Variants in ZNF85 observed in about 807,000 individuals in gnomAD.
ZNF85 encodes zinc finger protein 85 (HPF4, HTF1).
A neutral mutation model predicts 53.9 loss-of-function variants in ZNF85; 50 were observed. That is an observed-to-expected ratio of 0.93 (90% confidence interval 0.74 to 1.17). The LOEUF is 1.17. Ranked by LOEUF, ZNF85 falls within the 50% of genes most tolerant of loss-of-function variation. ZNF85 has a pLI of 0.00. For synonymous variants in ZNF85, 225 were observed against 226.1 expected (o/e 1.00, Z 0.04); for missense variants, 747 against 688.5 (o/e 1.08, Z -0.95).
At chr19:20,941,814 T>C (rs1973302869) in intron 3 of ZNF85, among the ~76,000 whole-genome samples, 1 of 88 alleles carries the variant, frequency 0.011, no homozygotes, top group African/African-American at 0.031. Flanking sequence ...GCAGTTAAAT[T>C]TTACTGTCTT....
chr19:20,929,630 C>T (rs1962685617), intron 1 of ZNF85, among the ~76,000 whole-genome samples: 1 of 152,150 alleles, frequency 6.6e-6, no homozygotes, highest in South Asian at 2.1e-4. Flanking sequence ...ATTAAGATTA[C>T]ACAAACTCTG....
chr19:20,947,949 A>G (rs1041979404), intron 3 of ZNF85, among the ~76,000 whole-genome samples: 1 of 151,934 alleles, frequency 6.6e-6, no homozygotes, highest in African/African-American at 2.4e-5. Flanking sequence ...TGAAATTTTT[A>G]TGTTTCTGAT....
intron 1 of ZNF85, among the ~76,000 whole-genome samples, chr19:20,932,148 A>T (rs1372562967): frequency 6.6e-6 from 1 of 152,174 alleles, no homozygotes; most frequent in Non-Finnish European, 1.5e-5. Flanking sequence ...ACATATTCTC[A>T]ACATGCAGCT....
At position 20,925,284 on chromosome 19, in the gene ZNF85, C is replaced by G. The variant is rs1156271785; in HGVS notation, c.3+1881C>G. 3.3e-5 allele frequency among the ~76,000 whole-genome samples: 5 copies of G among 151,964 alleles called. 1 individual carries two copies. The East Asian group carries it at 9.7e-4, about 30-fold the overall frequency. On this transcript the variant is annotated intron_variant, in intron 1 of 3. Coordinates refer to ENST00000328178, the MANE Select transcript of ZNF85 (RefSeq NM_003429.5). ...CCAGCATGGCCAATATGGTGAAACC[C>G]CATCTCTACTAAAAATACAAAAATT...
chr19:20,935,383 C>A (rs1250126761), intron 3 of ZNF85, among the ~76,000 whole-genome samples: 3 of 151,988 alleles, frequency 2.0e-5, no homozygotes, highest in Non-Finnish European at 2.9e-5. Flanking sequence ...TTGAAAAAGT[C>A]TATGTTAAGC....
chr19:20,923,404 G>A lies in ZNF85; in HGVS notation c.3+1G>A. The A allele has an allele frequency of 1.2e-6, 2 of 1,614,144 alleles. No individual in the cohort carries two copies. Among genetic ancestry groups the A allele is most frequent in the Non-Finnish European group, 1.7e-6 (2 of 1,180,000 alleles). On this transcript the variant is annotated splice_donor_variant, in intron 1 of 3. Coordinates refer to ENST00000328178, the MANE Select transcript of ZNF85 (RefSeq NM_003429.5). LOFTEE classifies it high-confidence loss of function. ...GGGACCCCCTGGAAGCCTAGAAATG[G>A]TGAGAGTGCCAGGTCCGCCATCCCG...
chr19:20,940,567 T>TTC (rs1973272480), intron 3 of ZNF85, among the ~76,000 whole-genome samples: 2 of 152,058 alleles, frequency 1.3e-5, no homozygotes, highest in Non-Finnish European at 2.9e-5. Context: ...ATTTCAGGAA[T>TTC]GTTAAGTATA....
intron 3 of ZNF85, among the ~76,000 whole-genome samples, chr19:20,938,292 A>G (rs1347526055): frequency 2.0e-5 from 3 of 152,094 alleles, no homozygotes; most frequent in Non-Finnish European, 4.4e-5. Flanking sequence ...CTGATCTTGA[A>G]CTTCTGACGT....
intron 1 of ZNF85, 40 bp downstream of exon 1, chr19:20,923,443 T>C: frequency 6.2e-7 from 1 of 1,613,332 alleles, no homozygotes; most frequent in Non-Finnish European, 8.5e-7. Flanking sequence ...GGGAAAGGGG[T>C]TGGTTGAAAC....
chr19:20,946,269 T>C, intron 3 of ZNF85: 2 of 383,772 alleles, frequency 5.2e-6, no homozygotes, highest in Non-Finnish European at 1.0e-5. Flanking sequence ...TTCTAAAAAA[T>C]TTGTTAAGAC....
chr19:20,940,979 C>T (rs1485883134), intron 3 of ZNF85, among the ~76,000 whole-genome samples: 1 of 151,954 alleles, frequency 6.6e-6, no homozygotes, highest in African/African-American at 2.4e-5. Context: ...AATATGTCTC[C>T]CAGGTTCTGT....
intron 2 of ZNF85, among the ~76,000 whole-genome samples, chr19:20,934,694 A>G (rs1488025200): frequency 6.6e-6 from 1 of 150,946 alleles, no homozygotes; most frequent in Non-Finnish European, 1.5e-5. Context: ...GGAGAATGGC[A>G]TGAACTCAGG....
Position 20,949,840 on chromosome 19 carries a change from T to C in ZNF85, c.1326T>C (p.Thr442=), listed in dbSNP as rs571270235. The change falls in exon 4 of 4, where the codon ACT becomes ACC. Residue 442 remains threonine (T), a synonymous_variant. Transcript: ENST00000328178. The stretch of plus-strand genomic sequence containing the variant: ...CTTTTAACCAATCCTCAAAACTTAC[T>C]GAACATAAGAAAATTCATACTGGAG... ...EKAFNQSSKL[T]EHKKIHTGEK... 3.7e-6 allele frequency: 6 copies of C among 1,611,976 alleles called. No individual in the cohort carries two copies. The East Asian group carries it at 1.1e-4, about 30-fold the overall frequency.
chr19:20,928,649 C>T (rs1166151653), intron 1 of ZNF85: 3 of 152,278 alleles, frequency 2.0e-5, no homozygotes, highest in Non-Finnish European at 2.9e-5. Flanking sequence ...GCCAAAATCC[C>T]ACAAGAGTGT....
At chr19:20,947,828 A>T (rs1973459879) in intron 3 of ZNF85, among the ~76,000 whole-genome samples, 1 of 151,510 alleles carries the variant, frequency 6.6e-6, no homozygotes, top group Non-Finnish European at 1.5e-5. Flanking sequence ...TTTTGTTGTT[A>T]TCCTCATTCT....
intron 3 of ZNF85, chr19:20,942,987 T>C: frequency 1.9e-6 from 1 of 513,684 alleles, no homozygotes; most frequent in Admixed American, 3.9e-5. Context: ...TGTTGCCCAG[T>C]CTAGTCTCAA....
chr19:20,928,602 GA>G (rs1972934665), intron 1 of ZNF85: 1 of 152,270 alleles, frequency 6.6e-6, no homozygotes, highest in African/African-American at 2.4e-5. Flanking sequence ...TCATCCTCAG[GA>G]ATTTCACCAC....
chr19:20,938,850 ATGTGTGTGTGTGTGTGTGTGTGTGTG>A (rs145473574), intron 3 of ZNF85, among the ~76,000 whole-genome samples: 1,812 of 141,086 alleles, frequency 0.013, 35 homozygotes, highest in African/African-American at 0.037. Flanking sequence ...ATTCTGCTAT[ATGTGTGTGTGTGTGTGTGTGTGTGTG>A]TATATATATG....
intron 3 of ZNF85, among the ~76,000 whole-genome samples, chr19:20,937,586 CAGTCG>C (rs1403064723): frequency 6.6e-6 from 1 of 152,176 alleles, no homozygotes; most frequent in African/African-American, 2.4e-5. Flanking sequence ...CAGGTTTCTG[CAGTCG>C]AGTCTGCTAA....
Sources: gnomAD v4.1 joint callset for allele counts (sites outside exome capture counted in the v4.1 genomes callset) on GRCh38, gnomAD v4.1.1 for gene constraint, MANE v1.5 for transcripts, NCBI Gene and HGNC (gene_info 2026-07-23, HGNC 2026-07-21) for gene names.